MAP3K3: variants seen among roughly 807,000 people sequenced by gnomAD.
The protein encoded by MAP3K3 is mitogen-activated protein kinase kinase kinase 3, also known as MAP/ERK kinase kinase 3.
A neutral mutation model predicts 80.9 loss-of-function variants in MAP3K3; 12 were observed. The ratio of observed to expected loss-of-function variants is 0.15; its 90% CI spans 0.10 to 0.24. MAP3K3 has a LOEUF of 0.24. MAP3K3 is among the 10% of genes least tolerant of loss of function. The pLI is 1.00. For missense variants in MAP3K3, 596 were observed against 834.7 expected, an observed-to-expected ratio of 0.71 and a Z score of 3.52; for synonymous variants, 272 against 307.1, an observed-to-expected ratio of 0.89 and a Z score of 1.19.
At chr17:63,648,456 A>G (rs1052744517) in intron 3 of MAP3K3, among the ~76,000 whole-genome samples, 1 of 152,180 alleles carries the variant, frequency 6.6e-6, no homozygotes, top group Non-Finnish European at 1.5e-5. Flanking sequence ...AAACACCTCT[A>G]TCTAGAGAAT....
intron 4 of MAP3K3, among the ~76,000 whole-genome samples, chr17:63,655,528 G>C (rs77871401): frequency 6.6e-6 from 1 of 152,152 alleles, no homozygotes; most frequent in Non-Finnish European, 1.5e-5. Flanking sequence ...GTTTCACTTT[G>C]TTGCGCAGGC....
intron 3 of MAP3K3, among the ~76,000 whole-genome samples, chr17:63,646,284 A>C (rs539596549): frequency 6.6e-6 from 1 of 152,308 alleles, no homozygotes; most frequent in African/African-American, 2.4e-5. Flanking sequence ...AAGCCATTTC[A>C]ACTGCTGATG....
chr17:63,664,244 C>G lies in MAP3K3; in HGVS notation c.382-2696C>G, dbSNP rs796566770. Among the ~76,000 whole-genome samples, 4 of 79,682 alleles carry G rather than the reference C, an allele frequency of 5.0e-5. No homozygotes were observed. The South Asian group carries it at 1.7e-3, about 33-fold the overall frequency. The allele number at this position is 79,682 out of a possible 152,430, so 52.3% of individuals were successfully genotyped here. The stretch of plus-strand genomic sequence containing the variant: ...CCTGGGCGACAGAGCGAGACTCCGT[C>G]TCAAAAAAAAAAAAAAAAAAAAAAA... On this transcript the variant is annotated intron_variant, in intron 5 of 15. Coordinates refer to ENST00000361733, the MANE Select transcript of MAP3K3 (RefSeq NM_002401.5).
In MAP3K3 at chr17:63,695,089, G is replaced by GA. The variant is rs34163987; in HGVS notation, c.*1330dup. On this transcript the variant is annotated 3_prime_UTR_variant, in exon 16 of 16. Transcript: ENST00000361733. The surrounding 1 kb of genome is among the most constrained non-coding windows in gnomAD (Gnocchi z 4.1). Reference sequence around the variant, plus strand: ...GTTTCCTTGGGAGTTGTCATTAAAGGAAAAAAAAAAAAAAAAAAGCCAGTG... The same window carrying GA: ...GTTTCCTTGGGAGTTGTCATTAAAGGAAAAAAAAAAAAAAAAAAAGCCAGTG... The GA allele has an allele frequency of 0.011, 1,264 of 120,350 alleles. 7 individuals carry two copies. Among genetic ancestry groups the GA allele is most frequent in the African/African-American group, 0.026 (864 of 33,190 alleles). 7.5% of individuals were successfully genotyped at this position (120,350 alleles called of 1,614,324 possible).
rs978845366 is a variant in MAP3K3, at chr17:63,624,129, TA to T, written c.4+1370del. 1.2e-4 allele frequency among the ~76,000 whole-genome samples: 19 copies of T among 152,314 alleles called. No individual in the cohort carries two copies. In the South Asian group the frequency reaches 2.1e-3, roughly 17 times the overall value. On this transcript the variant is annotated intron_variant, in intron 1 of 15. Coordinates refer to ENST00000361733, the MANE Select transcript of MAP3K3 (RefSeq NM_002401.5). Reference sequence around the variant, plus strand: ...GGAAGGTCTGCTGTGAGAGTGGACATAAAAGGAACCCAGTAAGGCCTGGTAT... The same window carrying T: ...GGAAGGTCTGCTGTGAGAGTGGACATAAAGGAACCCAGTAAGGCCTGGTAT...
intron 3 of MAP3K3, 84 bp from the exon 4 acceptor site, chr17:63,652,473 G>T: frequency 1.2e-6 from 1 of 864,818 alleles, no homozygotes; most frequent in East Asian, 2.6e-5. Flanking sequence ...TGAGAAGAAA[G>T]GAAGAATATA....
rs539884266 is a variant in MAP3K3, at chr17:63,673,348, G to GT, written c.502+6295dup. ...ATAATATGCATACCTTGAATTCCAG[G>GT]TTTTTTTCAGGCCATTTAGTCTGTT... On this transcript the variant is annotated intron_variant, in intron 6 of 15. Coordinates refer to ENST00000361733, the MANE Select transcript of MAP3K3 (RefSeq NM_002401.5). Among the ~76,000 whole-genome samples the GT allele has an allele frequency of 1.4e-4, 22 of 151,928 alleles. No individual in the cohort carries two copies. In the East Asian group the frequency reaches 2.1e-3, roughly 15 times the overall value.
At chr17:63,675,791 C>T (rs1022931121) in intron 6 of MAP3K3, among the ~76,000 whole-genome samples, 2 of 152,152 alleles carry the variant, frequency 1.3e-5, no homozygotes, top group African/African-American at 4.8e-5. Flanking sequence ...GAAAGGTGTC[C>T]CAAGAAAGCC....
intron 1 of MAP3K3, among the ~76,000 whole-genome samples, chr17:63,628,376 T>G (rs75553513): frequency 6.6e-6 from 1 of 151,842 alleles, no homozygotes; most frequent in Non-Finnish European, 1.5e-5. Context: ...TTTTTTTTTT[T>G]TGAGACGGAG....
At chr17:63,629,612 A>G (rs975216390) in intron 1 of MAP3K3, among the ~76,000 whole-genome samples, 1 of 152,220 alleles carries the variant, frequency 6.6e-6, no homozygotes, top group Non-Finnish European at 1.5e-5. Context: ...AGAAATGCCT[A>G]AAAGAGCCAC....
chr17:63,656,310 G>A (rs2034766747), intron 4 of MAP3K3, among the ~76,000 whole-genome samples: 2 of 151,776 alleles, frequency 1.3e-5, no homozygotes, highest in South Asian at 2.1e-4. Flanking sequence ...TACCATACGT[G>A]TATAAAATCT....
intron 10 of MAP3K3, 48 bp downstream of exon 10, chr17:63,688,929 A>G: frequency 7.0e-7 from 1 of 1,428,708 alleles, no homozygotes; most frequent in Non-Finnish European, 9.9e-7. Flanking sequence ...AAGAAAGGAC[A>G]AGTTGCCATG....
intron 6 of MAP3K3, among the ~76,000 whole-genome samples, chr17:63,678,528 G>GC (rs1307569155): frequency 1.8e-4 from 28 of 152,288 alleles, no homozygotes; most frequent in African/African-American, 6.5e-4. Context: ...CCTTTGCTCT[G>GC]GAGTCAGGTG....
chr17:63,682,300 G>A (rs998403932), intron 7 of MAP3K3: 19 of 155,386 alleles, frequency 1.2e-4, no homozygotes, highest in Non-Finnish European at 2.8e-5. Flanking sequence ...TTGATGAAAG[G>A]TAAGGAGTAA....
At chr17:63,680,680 C>T (rs1207703118) in intron 6 of MAP3K3, among the ~76,000 whole-genome samples, 2 of 152,158 alleles carry the variant, frequency 1.3e-5, no homozygotes, top group African/African-American at 4.8e-5. Flanking sequence ...ACACCTCTGT[C>T]ATTCACTAAC....
At chr17:63,649,487 G>C (rs1457607125) in intron 3 of MAP3K3, among the ~76,000 whole-genome samples, 1 of 150,326 alleles carries the variant, frequency 6.7e-6, no homozygotes, top group Non-Finnish European at 1.5e-5. Context: ...GAGTACAGTG[G>C]TGTGATCGTG....
intron 2 of MAP3K3, among the ~76,000 whole-genome samples, chr17:63,644,036 T>C (rs1380068081): frequency 2.0e-5 from 3 of 152,176 alleles, no homozygotes; most frequent in Non-Finnish European, 4.4e-5. Flanking sequence ...ACTCAGTTAT[T>C]TTCTGTAAAA....
intron 8 of MAP3K3, among the ~76,000 whole-genome samples, chr17:63,686,205 G>C (rs1226951844): frequency 6.6e-6 from 1 of 152,202 alleles, no homozygotes; most frequent in Non-Finnish European, 1.5e-5. Context: ...GATCACGTCT[G>C]TCTGGGCTTA....
At chr17:63,663,003 G>C (rs1431318705) in intron 5 of MAP3K3, among the ~76,000 whole-genome samples, 1 of 151,560 alleles carries the variant, frequency 6.6e-6, no homozygotes, top group African/African-American at 2.4e-5. Flanking sequence ...AATTATTGTA[G>C]TCCTTGGGAA....
Sources: allele counts gnomAD v4.1 joint callset (sites outside exome capture counted in the v4.1 genomes callset), GRCh38; gene constraint gnomAD v4.1.1; non-coding constraint Gnocchi (gnomAD v3.1); transcripts MANE v1.5; gene names NCBI Gene and HGNC (gene_info 2026-07-23, HGNC 2026-07-21).